ARHGAP33: variants seen among roughly 807,000 people sequenced by gnomAD.
The protein encoded by ARHGAP33 is Rho GTPase activating protein 33, also known as rho GTPase-activating protein 33.
ARHGAP33 carries 57 observed loss-of-function variants against 126.2 expected under a neutral mutation model. The ratio of observed to expected loss-of-function variants is 0.45; its 90% CI spans 0.36 to 0.56. The LOEUF (loss-of-function observed/expected upper bound fraction) is 0.56. Ranked by LOEUF, ARHGAP33 falls within the 20% of genes least tolerant of loss-of-function variation. The pLI is 0.00. For synonymous variants in ARHGAP33, 711 were observed against 755.0 expected, an observed-to-expected ratio of 0.94 and a Z score of 0.95; for missense variants, 1,500 against 1,748.3, an observed-to-expected ratio of 0.86 and a Z score of 2.53.
In ARHGAP33 at chr19:35,780,737, C is replaced by T. The variant is rs780153842; in HGVS notation, c.770-20C>T. ...TTTTGCCTCCCACTCATCCCTTCCACCCCATTTTTCGCCTAGCAGATGCCG... is the reference window on the plus strand; with the variant it reads ...TTTTGCCTCCCACTCATCCCTTCCATCCCATTTTTCGCCTAGCAGATGCCG... On this transcript the variant is annotated intron_variant, in intron 9 of 20. Coordinates refer to ENST00000007510, the MANE Select transcript of ARHGAP33 (RefSeq NM_001366178.1). 9 of 1,613,602 alleles carry T rather than the reference C, an allele frequency of 5.6e-6. No individual in the cohort carries two copies. The highest frequency in any genetic ancestry group is 7.6e-6 in the Non-Finnish European group (9 of 1,179,990).
chr19:35,776,278 G>A (rs1435895471), intron 1 of ARHGAP33, among the ~76,000 whole-genome samples: 1 of 151,126 alleles, frequency 6.6e-6, no homozygotes, highest in Non-Finnish European at 1.5e-5. Context: ...TTGATCCTCG[G>A]GTCTGCTCCA....
chr19:35,783,685 T>C (rs568707320), intron 15 of ARHGAP33, among the ~76,000 whole-genome samples: 1 of 152,032 alleles, frequency 6.6e-6, no homozygotes, highest in South Asian at 2.1e-4. Flanking sequence ...GAGGGGTGAC[T>C]CACAGGTCAT....
intron 1 of ARHGAP33, 140 bp downstream of exon 1, chr19:35,775,804 C>G (rs891149164): frequency 2.0e-5 from 17 of 848,506 alleles, no homozygotes; most frequent in Middle Eastern, 3.7e-4. Context: ...GTCCTGCGGC[C>G]CCATCCCGGG....
chr19:35,776,581 A>G (rs1185994021), intron 1 of ARHGAP33, among the ~76,000 whole-genome samples: 1 of 152,192 alleles, frequency 6.6e-6, no homozygotes, highest in Admixed American at 6.5e-5. Context: ...TAATTTATTC[A>G]TCAGATTTTA....
intron 16 of ARHGAP33, chr19:35,784,639 A>G (rs1599794010): frequency 7.4e-6 from 8 of 1,088,166 alleles, no homozygotes; most frequent in Non-Finnish European, 9.1e-6. Context: ...CCCCACCCAG[A>G]CTCCCCGCCC....
At position 35,786,984 on chromosome 19, in the gene ARHGAP33, C is replaced by G; in HGVS notation, c.2514C>G (p.Pro838=). 1.9e-6 allele frequency: 3 copies of G among 1,610,452 alleles called. No individual in the cohort carries two copies. The highest frequency in any genetic ancestry group is 2.5e-6 in the Non-Finnish European group (3 of 1,178,906). ...PGRSLRPHLI[P]LLLRGAEAPL... is the part of the protein sequence containing the mutation. ...GGAGCCTGCGCCCCCATCTCATACC[C>G]CTGCTGCTGCGAGGAGCCGAGGCCC... Residue 838 remains proline (P), a synonymous_variant, in exon 20 of 21, where the codon CCC becomes CCG. Transcript: ENST00000007510. The surrounding 1 kb of genome is among the most constrained non-coding windows in gnomAD (Gnocchi z 7.0).
Position 35,785,040 on chromosome 19 carries a change from C to G in ARHGAP33, c.1655C>G (p.Thr552Ser). 1.3e-6 allele frequency: 2 copies of G among 1,553,402 alleles called. No individual in the cohort carries two copies. The highest frequency in any genetic ancestry group is 1.7e-6 in the Non-Finnish European group (2 of 1,148,718). ...ACGCTGGAGGAAGCCCAGGCACGCA[C>G]CCAGGGCCGGCTGGGGACGCCCACG... ...LLTLEEAQAR[T>S]QGRLGTPTEP... is the part of the protein sequence containing the mutation. Residue 552 changes from threonine (T) to serine (S), a missense_variant, in exon 17 of 21, where the codon ACC (threonine) becomes AGC (serine). By Grantham distance (58) the Thr-to-Ser change is moderately conservative. Transcript: ENST00000007510.
chr19:35,777,568 C>G (rs753172567), intron 1 of ARHGAP33, 77 bp from the exon 2 acceptor site: 1 of 1,270,856 alleles, frequency 7.9e-7, no homozygotes, highest in Non-Finnish European at 1.1e-6. Context: ...GCTCTGGACC[C>G]GCGCTGCCAG....
chr19:35,788,233 C>T lies in ARHGAP33; in HGVS notation c.3668C>T (p.Pro1223Leu), dbSNP rs200225433. The change falls in exon 21 of 21, where the codon CCG becomes CTG. Residue 1223 changes from proline to leucine, a missense_variant. By Grantham distance (98) the Pro-to-Leu change is moderately conservative. Coordinates refer to ENST00000007510, the MANE Select transcript of ARHGAP33 (RefSeq NM_001366178.1). ...PWGPRTPHRV[P>L]GPWGPPEPLL... ...GGACCCCGTACCCCTCATAGGGTGCCGGGTCCCTGGGGCCCTCCTGAGCCT... is the reference window on the plus strand; with the variant it reads ...GGACCCCGTACCCCTCATAGGGTGCTGGGTCCCTGGGGCCCTCCTGAGCCT... 5.6e-5 allele frequency: 90 copies of T among 1,608,410 alleles called. 1 individual carries two copies. The Middle Eastern group carries it at 6.6e-4, about 12-fold the overall frequency.
In ARHGAP33 at chr19:35,787,704, G is replaced by A. The variant is rs775758693; in HGVS notation, c.3139G>A (p.Val1047Ile). 6.3e-7 allele frequency: 1 copy of A among 1,593,208 alleles called. No individual in the cohort carries two copies. Among genetic ancestry groups the A allele is most frequent in the East Asian group, 2.2e-5 (1 of 44,664 alleles). ...GGAGTGCCTGCCACCCTTCCTCGGG[G>A]TCCCCAAGCCAGGCTTGTACCCCCT... The part of the protein sequence containing the change: ...PRECLPPFLG[V>I]PKPGLYPLGP... The change falls in exon 21 of 21, where the codon GTC becomes ATC. Residue 1047 changes from valine (V) to isoleucine (I), a missense_variant. Val to Ile is a conservative substitution (Grantham distance 29, BLOSUM62 3). Around this residue, in one of 6 missense-constraint regions of ARHGAP33, gnomAD observed 642 missense variants for 634.0 expected, o/e 1.01. Coordinates refer to ENST00000007510, the MANE Select transcript of ARHGAP33 (RefSeq NM_001366178.1).
chr19:35,775,617 G>C lies in ARHGAP33; in HGVS notation c.-42G>C, dbSNP rs1369625810. 6.6e-7 allele frequency: 1 copy of C among 1,505,982 alleles called. No homozygotes were observed. The highest frequency in any genetic ancestry group is 2.2e-5 in the Admixed American group (1 of 45,318). The allele number at this position is 1,505,982 out of a possible 1,614,324, so 93.3% of individuals were successfully genotyped here. On this transcript the variant is annotated 5_prime_UTR_variant, in exon 1 of 21. Transcript: ENST00000007510. Reference sequence around the variant, plus strand: ...GGCAGCGGCGACGAGAACGGCGAGCGAGGGGTCGAGCGCGGCCGGGGCCTG... The same window carrying C: ...GGCAGCGGCGACGAGAACGGCGAGCCAGGGGTCGAGCGCGGCCGGGGCCTG...
At chr19:35,778,896 C>A in intron 5 of ARHGAP33, 136 bp from the exon 6 acceptor site, 1 of 803,776 alleles carries the variant, frequency 1.2e-6, no homozygotes, top group Non-Finnish European at 2.0e-6. Flanking sequence ...ATGCCCATAT[C>A]TCAGTACCTA....
intron 12 of ARHGAP33, among the ~76,000 whole-genome samples, chr19:35,781,856 G>A (rs543720704): frequency 1.3e-5 from 2 of 152,254 alleles, no homozygotes; most frequent in South Asian, 2.1e-4. Context: ...GCCGGGGCGG[G>A]GTCTAGAGGC....
Position 35,787,197 on chromosome 19 carries a change from C to T in ARHGAP33, c.2632C>T (p.Pro878Ser). The T allele has an allele frequency of 6.2e-7, 1 of 1,611,070 alleles. No individual in the cohort carries two copies. Among genetic ancestry groups the T allele is most frequent in the Non-Finnish European group, 8.5e-7 (1 of 1,179,102 alleles). ...TGATATGGAGTCACCACTGCCACCC[C>T]CTCCCCTGTCTCTCCTGCGCCCTGG... ...GPDMESPLPPPPLSLLRPGGA... is the reference protein window; with the variant it reads ...GPDMESPLPPSPLSLLRPGGA... The change falls in exon 21 of 21, where the codon CCT becomes TCT. Residue 878 changes from proline (P) to serine (S), a missense_variant. By Grantham distance (74) the Pro-to-Ser change is moderately conservative. This residue lies in a region of ARHGAP33 where 642 missense variants were observed against 634.0 expected (regional missense o/e 1.01). Transcript: ENST00000007510.
At position 35,788,768 on chromosome 19, in the gene ARHGAP33, C is replaced by T. The variant is rs1389559386; in HGVS notation, c.*339C>T. 1 of 260,394 alleles carries T rather than the reference C, an allele frequency of 3.8e-6. No homozygotes were observed. The highest frequency in any genetic ancestry group is 7.1e-5 in the East Asian group (1 of 14,048). 16.1% of individuals were successfully genotyped at this position (260,394 alleles called of 1,614,324 possible). A position where few individuals can be genotyped will look rare whatever the true frequency, so the allele number is the denominator to read the frequency against. On this transcript the variant is annotated 3_prime_UTR_variant, in exon 21 of 21. Transcript: ENST00000007510. Reference sequence around the variant, plus strand: ...GGGACAACTCCTACCCTTCTTTCCCCACATGCCCCACTAAACCATCTGACA... The same window carrying T: ...GGGACAACTCCTACCCTTCTTTCCCTACATGCCCCACTAAACCATCTGACA...
In ARHGAP33 at chr19:35,782,747, T is replaced by C; in HGVS notation, c.1314-15T>C. 6.2e-7 allele frequency: 1 copy of C among 1,611,956 alleles called. No individual in the cohort carries two copies. The highest frequency in any genetic ancestry group is 1.1e-5 in the South Asian group (1 of 90,774). ...GGGGTTGAGGCTCAGGTGCCCCCTC[T>C]GCTCCCACCCCCAGGACCCTGGAGT... On this transcript the variant is annotated splice_polypyrimidine_tract_variant and intron_variant, in intron 14 of 20. Coordinates refer to ENST00000007510, the MANE Select transcript of ARHGAP33 (RefSeq NM_001366178.1). The surrounding 1 kb of genome is among the most constrained non-coding windows in gnomAD (Gnocchi z 4.1).
In ARHGAP33 at chr19:35,785,280, C is replaced by T. The variant is rs1599796676; in HGVS notation, c.1813C>T (p.Arg605Ter). The T allele has an allele frequency of 6.3e-7, 1 of 1,599,084 alleles. No individual in the cohort carries two copies. The highest frequency in any genetic ancestry group is 8.5e-7 in the Non-Finnish European group (1 of 1,172,716). Residue 605 changes from arginine to a stop codon, truncating the protein, a stop_gained, in exon 18 of 21, where the codon CGA (arginine) becomes TGA (stop). Coordinates refer to ENST00000007510, the MANE Select transcript of ARHGAP33 (RefSeq NM_001366178.1). LOFTEE classifies it high-confidence loss of function. ...FALGRGPSVP[R>*]KKPLPWLGGT... ...ACTGGGCCGGGGCCCCAGTGTCCCT[C>T]GAAAGAAGCCCCTGCCCTGGCTGGG...
rs1972174742 is a variant in ARHGAP33, at chr19:35,787,365, TCG to T, written c.2802_2803del (p.Leu935ValfsTer41). 2 of 1,609,626 alleles carry T rather than the reference TCG, an allele frequency of 1.2e-6. No homozygotes were observed. The highest frequency in any genetic ancestry group is 1.7e-6 in the Non-Finnish European group (2 of 1,177,770). ...TGCTTCCCAATCCCCCTTCCACCGC[TCG>T]CTGTCTCTGGAGGTGGGCGGGGAGC... ...PPASQSPFHR[S>X]LSLEVGGEPL... On this transcript the variant is annotated frameshift_variant, in exon 21 of 21. Transcript: ENST00000007510. LOFTEE classifies it high-confidence loss of function.
chr19:35,775,686 C>G (rs1435037783), intron 1 of ARHGAP33, 22 bp downstream of exon 1: 1 of 1,539,946 alleles, frequency 6.5e-7, no homozygotes, highest in Non-Finnish European at 8.7e-7. Flanking sequence ...ACGCGGCCGT[C>G]AGCCTGTCCG....
Sources: allele counts gnomAD v4.1 joint callset (sites outside exome capture counted in the v4.1 genomes callset), GRCh38; gene constraint gnomAD v4.1.1; regional missense constraint gnomAD v4.1.1; non-coding constraint Gnocchi (gnomAD v3.1); transcripts MANE v1.5; gene names NCBI Gene and HGNC (gene_info 2026-07-23, HGNC 2026-07-21).